Variants in CLDN14 observed in about 807,000 individuals in gnomAD.
CLDN14 encodes claudin-14.
Under a neutral mutation model 2.1 loss-of-function variants are expected in CLDN14, and 2 were observed. That is an observed-to-expected ratio of 0.96 (90% confidence interval 0.39 to 3.01). The LOEUF (loss-of-function observed/expected upper bound fraction) is 3.01. Among genes scored for constraint, CLDN14 ranks in the 30% most tolerant of loss-of-function variants. CLDN14 has a pLI of 0.09. For synonymous variants in CLDN14, 136 were observed against 154.4 expected, an observed-to-expected ratio of 0.88 and a Z score of 0.88; for missense variants, 298 against 328.0, an observed-to-expected ratio of 0.91 and a Z score of 0.71.
chr21:36,513,096 G>A (rs1459692934), intron 1 of CLDN14, among the ~76,000 whole-genome samples: 4 of 152,056 alleles, frequency 2.6e-5, no homozygotes, highest in South Asian at 2.1e-4. Context: ...TGTGTCTCAC[G>A]AGATATCTGG....
chr21:36,495,931 G>T (rs912432162), intron 2 of CLDN14, among the ~76,000 whole-genome samples: 1 of 152,184 alleles, frequency 6.6e-6, no homozygotes, highest in Non-Finnish European at 1.5e-5. Context: ...GGCAGGGAAT[G>T]CTGGGGATGG....
chr21:36,472,020 A>G (rs1329252767), intron 1 of CLDN14, among the ~76,000 whole-genome samples: 1 of 152,266 alleles, frequency 6.6e-6, no homozygotes, highest in African/African-American at 2.4e-5. Flanking sequence ...AGTGTTTATG[A>G]TATGCCAAAC....
intron 1 of CLDN14, among the ~76,000 whole-genome samples, chr21:36,475,172 G>C (rs567141627): frequency 6.6e-6 from 1 of 152,308 alleles, no homozygotes; most frequent in Admixed American, 6.5e-5. Context: ...TGCACTGCGA[G>C]GGTCCCAAGT....
rs572276871 is a variant in CLDN14, at chr21:36,488,715, T to C, written c.-82+21648A>G. ...TTTCAGTCTGGGAGGAGGAGAAAGC[T>C]CCGGAGAGGGATGGTGGTGGATGGC... is the stretch of plus-strand genomic sequence containing the variant. On this transcript the variant is annotated intron_variant, in intron 2 of 2. Transcript: ENST00000342108. 2.9e-3 allele frequency among the ~76,000 whole-genome samples: 445 copies of C among 152,110 alleles called. 1 individual carries two copies. Among genetic ancestry groups the C allele is most frequent in the African/African-American group, 9.9e-3 (409 of 41,506 alleles).
intron 1 of CLDN14, 76 bp from the exon 2 acceptor site, chr21:36,461,852 T>C: frequency 9.6e-7 from 1 of 1,044,952 alleles, no homozygotes; most frequent in Non-Finnish European, 1.4e-6. Context: ...CTTATTTCTG[T>C]CACCGAAACC....
upstream of CLDN14, among the ~76,000 whole-genome samples, chr21:36,482,371 C>CGGAT (rs59947271): frequency 0.12 from 16,421 of 136,134 alleles, 1,123 homozygotes; most frequent in African/African-American, 0.16. Context: ...GATAGACTGA[C>CGGAT]GGATGGATGG....
At chr21:36,475,059 G>A (rs2146439016) in intron 1 of CLDN14, among the ~76,000 whole-genome samples, 1 of 152,314 alleles carries the variant, frequency 6.6e-6, no homozygotes, top group South Asian at 2.1e-4. Context: ...CCTGGACCAA[G>A]TCAAGGGGTC....
At chr21:36,570,286 T>C (rs1568884681) in intron 1 of CLDN14, among the ~76,000 whole-genome samples, 1 of 152,172 alleles carries the variant, frequency 6.6e-6, no homozygotes, top group South Asian at 2.1e-4. Context: ...TCAGAGGGAA[T>C]CAACTGTAAA....
At chr21:36,504,184 A>C (rs887956132) in intron 2 of CLDN14, among the ~76,000 whole-genome samples, 7 of 151,280 alleles carry the variant, frequency 4.6e-5, no homozygotes, top group African/African-American at 1.7e-4. Flanking sequence ...ATGTAAAAAT[A>C]AAAAAATTAC....
chr21:36,467,619 T>C (rs1245146784), intron 1 of CLDN14, among the ~76,000 whole-genome samples: 1 of 150,936 alleles, frequency 6.6e-6, no homozygotes, highest in Non-Finnish European at 1.5e-5. Flanking sequence ...TGGTGGGGGG[T>C]GTCTCTAGTC....
At chr21:36,575,423 G>A (rs952258529) in intron 1 of CLDN14, among the ~76,000 whole-genome samples, 3 of 152,308 alleles carry the variant, frequency 2.0e-5, no homozygotes, top group East Asian at 3.9e-4. Flanking sequence ...TACAGATGAG[G>A]AAACAGAGGC....
At chr21:36,563,711 C>T (rs1199053191) in intron 1 of CLDN14, among the ~76,000 whole-genome samples, 5 of 152,148 alleles carry the variant, frequency 3.3e-5, no homozygotes, top group Non-Finnish European at 5.9e-5. Flanking sequence ...GAAGAGACCT[C>T]ATGGTGGGGA....
At chr21:36,564,172 G>A (rs73902601) in intron 1 of CLDN14, among the ~76,000 whole-genome samples, 3,315 of 152,286 alleles carry the variant, frequency 0.022, 128 homozygotes, top group African/African-American at 0.075. Context: ...AGCAAAATTA[G>A]CCTTTTCTTG....
intron 1 of CLDN14, among the ~76,000 whole-genome samples, chr21:36,516,250 CG>C (rs2087228378): frequency 6.6e-6 from 1 of 152,096 alleles, no homozygotes; most frequent in South Asian, 2.1e-4. Flanking sequence ...CATAAAGTTG[CG>C]GGAATACAGC....
intron 1 of CLDN14, among the ~76,000 whole-genome samples, chr21:36,513,994 A>G (rs4817804): frequency 0.83 from 126,090 of 151,920 alleles, 53,137 homozygotes; most frequent in Middle Eastern, 0.93. Context: ...CACCATGCCT[A>G]GCTTATTTTT....
intron 1 of CLDN14, among the ~76,000 whole-genome samples, chr21:36,511,218 T>G (rs1387188381): frequency 5.9e-5 from 9 of 152,174 alleles, no homozygotes; most frequent in Admixed American, 1.3e-4. Flanking sequence ...GGGAAATGTT[T>G]GTGTTTTTTT....
intron 2 of CLDN14, chr21:36,486,115 G>A: frequency 7.5e-7 from 1 of 1,337,808 alleles, no homozygotes; most frequent in South Asian, 1.2e-5. Flanking sequence ...CACTCTGAAG[G>A]AACTCAGGAT....
chr21:36,539,538 G>T (rs947710897), intron 1 of CLDN14, among the ~76,000 whole-genome samples: 1 of 149,362 alleles, frequency 6.7e-6, no homozygotes, highest in Non-Finnish European at 1.5e-5. Flanking sequence ...AGTGTATGTG[G>T]AGTGTGTGTG....
intron 1 of CLDN14, among the ~76,000 whole-genome samples, chr21:36,566,895 G>A (rs953626262): frequency 6.6e-6 from 1 of 152,146 alleles, no homozygotes; most frequent in Non-Finnish European, 1.5e-5. Flanking sequence ...TGAGGAGGCC[G>A]GAAGACATCC....
Sources: allele counts gnomAD v4.1 joint callset (sites outside exome capture counted in the v4.1 genomes callset), GRCh38; gene constraint gnomAD v4.1.1; transcripts MANE v1.5; gene names NCBI Gene and HGNC (gene_info 2026-07-23, HGNC 2026-07-21).